ARHGAP15: variants seen among roughly 807,000 people sequenced by gnomAD.
ARHGAP15 encodes the protein rho GTPase-activating protein 15.
Under a neutral mutation model 63.7 loss-of-function variants are expected in ARHGAP15, and 51 were observed. The ratio of observed to expected loss-of-function variants is 0.80; its 90% confidence interval spans 0.64 to 1.01. The LOEUF is 1.01. Ranked by LOEUF, ARHGAP15 falls within the 50% of genes least tolerant of loss-of-function variation. The pLI, the probability that ARHGAP15 is intolerant of heterozygous loss-of-function variation, is 0.00. For synonymous variants in ARHGAP15, 191 were observed against 193.8 expected (o/e 0.99, Z 0.12); for missense variants, 560 against 564.6 (o/e 0.99, Z 0.08).
intron 6 of ARHGAP15, among the ~76,000 whole-genome samples, chr2:143,380,440 C>CTATTG (rs1167827048): frequency 6.6e-6 from 1 of 152,014 alleles, no homozygotes; most frequent in Non-Finnish European, 1.5e-5. Context: ...AGAGATAGTC[C>CTATTG]TGCTTTTGCC....
At chr2:143,314,157 C>G (rs1360500902) in intron 6 of ARHGAP15, among the ~76,000 whole-genome samples, 1 of 152,224 alleles carries the variant, frequency 6.6e-6, no homozygotes. Context: ...AAGTTTGGTT[C>G]CCTCCTACAC....
chr2:143,427,266 A>T (rs1322876628), intron 6 of ARHGAP15, among the ~76,000 whole-genome samples: 1 of 152,150 alleles, frequency 6.6e-6, no homozygotes, highest in Non-Finnish European at 1.5e-5. Flanking sequence ...AACAATACCT[A>T]CTTCTGCTTA....
intron 8 of ARHGAP15, among the ~76,000 whole-genome samples, chr2:143,479,081 A>G (rs757653063): frequency 8.5e-5 from 13 of 152,232 alleles, no homozygotes; most frequent in Non-Finnish European, 1.5e-4. Flanking sequence ...ATACGTACAT[A>G]TGATATACAG....
intron 2 of ARHGAP15, among the ~76,000 whole-genome samples, chr2:143,198,707 C>T (rs954117928): frequency 6.6e-6 from 1 of 151,990 alleles, no homozygotes; most frequent in Non-Finnish European, 1.5e-5. Context: ...GGTCTGTATG[C>T]CCATAAGAAT....
At chr2:143,461,886 C>T (rs902231100) in intron 8 of ARHGAP15, among the ~76,000 whole-genome samples, 9 of 152,070 alleles carry the variant, frequency 5.9e-5, no homozygotes, top group East Asian at 1.9e-4. Context: ...ATAGACTTAT[C>T]GGCCTGCTGC....
intron 10 of ARHGAP15, among the ~76,000 whole-genome samples, chr2:143,541,161 G>C (rs972187924): frequency 3.9e-5 from 6 of 152,052 alleles, no homozygotes; most frequent in Non-Finnish European, 8.8e-5. Flanking sequence ...TCTGCCAGTT[G>C]ATCGCATCGG....
intron 6 of ARHGAP15, among the ~76,000 whole-genome samples, chr2:143,368,190 A>G (rs1282105402): frequency 6.6e-6 from 1 of 152,136 alleles, no homozygotes; most frequent in Non-Finnish European, 1.5e-5. Context: ...AAATGTACCA[A>G]ATAAACTACA....
chr2:143,460,471 A>G (rs781311434), intron 8 of ARHGAP15, among the ~76,000 whole-genome samples: 6 of 152,234 alleles, frequency 3.9e-5, no homozygotes, highest in African/African-American at 4.8e-5. Flanking sequence ...CACTGAAAAC[A>G]TAATTTCTTA....
chr2:143,191,099 G>A (rs1479232448), intron 2 of ARHGAP15, among the ~76,000 whole-genome samples: 1 of 152,154 alleles, frequency 6.6e-6, no homozygotes, highest in Non-Finnish European at 1.5e-5. Context: ...TCTTCTCCAA[G>A]AAACATTTCC....
At chr2:143,630,687 G>A (rs754691152) in intron 12 of ARHGAP15, among the ~76,000 whole-genome samples, 7 of 151,890 alleles carry the variant, frequency 4.6e-5, no homozygotes, top group African/African-American at 9.7e-5. Context: ...CCTAAACCTC[G>A]TTTTCTTGTT....
Position 143,435,588 on chromosome 2 carries a change from T to C in ARHGAP15, c.475-13T>C, listed in dbSNP as rs1689576527. 1 of 1,515,760 alleles carries C rather than the reference T, an allele frequency of 6.6e-7. No individual in the cohort carries two copies. Among genetic ancestry groups the C allele is most frequent in the East Asian group, 2.4e-5 (1 of 41,422 alleles). The allele number at this position is 1,515,760 out of a possible 1,614,324, so 93.9% of individuals were successfully genotyped here. ...TACCTGTCTATTTCTTTTTCTTTTT[T>C]TTTTTTTTGCAGATCACAACAGTAT... On this transcript the variant is annotated splice_polypyrimidine_tract_variant and intron_variant, in intron 6 of 13. Transcript: ENST00000295095.
intron 13 of ARHGAP15, among the ~76,000 whole-genome samples, chr2:143,709,830 T>A (rs767761309): frequency 6.6e-6 from 1 of 152,218 alleles, no homozygotes; most frequent in Non-Finnish European, 1.5e-5. Flanking sequence ...AATGACACTG[T>A]AGGTATTTCT....
chr2:143,508,016 AATCAT>A (rs1302740510), intron 9 of ARHGAP15, among the ~76,000 whole-genome samples: 1 of 137,240 alleles, frequency 7.3e-6, no homozygotes, highest in Non-Finnish European at 1.7e-5. Flanking sequence ...TATAAATGTA[AATCAT>A]ATCATGTCAC....
At chr2:143,604,436 T>C (rs1697905061) in intron 11 of ARHGAP15, among the ~76,000 whole-genome samples, 1 of 152,194 alleles carries the variant, frequency 6.6e-6, no homozygotes, top group Admixed American at 6.5e-5. Flanking sequence ...TCTGTCTGCC[T>C]CAGCTTTACA....
At chr2:143,538,484 T>A (rs570357818) in intron 10 of ARHGAP15, among the ~76,000 whole-genome samples, 3 of 152,334 alleles carry the variant, frequency 2.0e-5, no homozygotes, top group East Asian at 3.9e-4. Context: ...GCTTCCAGTT[T>A]TTGTCCACTC....
At chr2:143,668,275 ATTTTCTTTTTTTTT>A (rs1233991201) in intron 12 of ARHGAP15, among the ~76,000 whole-genome samples, 2 of 140,320 alleles carry the variant, frequency 1.4e-5, no homozygotes, top group Admixed American at 7.1e-5. Flanking sequence ...CCTTGATTCT[ATTTTCTTTTTTTTT>A]TTTTCTTTTT....
intron 2 of ARHGAP15, among the ~76,000 whole-genome samples, chr2:143,179,922 G>T (rs925196600): frequency 6.6e-6 from 1 of 151,070 alleles, no homozygotes; most frequent in Non-Finnish European, 1.5e-5. Context: ...TTAATTTAAA[G>T]AAATATTATT....
intron 2 of ARHGAP15, among the ~76,000 whole-genome samples, chr2:143,166,626 C>T (rs527673826): frequency 8.5e-4 from 129 of 152,178 alleles, no homozygotes; most frequent in Middle Eastern, 3.4e-3. Context: ...GTGTCAAGTA[C>T]GTTGCATTTT....
At chr2:143,147,738 C>A (rs576324298) in intron 1 of ARHGAP15, among the ~76,000 whole-genome samples, 1 of 151,976 alleles carries the variant, frequency 6.6e-6, no homozygotes, top group Admixed American at 6.6e-5. Context: ...TGACCAGAAG[C>A]ATTGAACATG....
Sources: gnomAD v4.1 joint callset for allele counts (sites outside exome capture counted in the v4.1 genomes callset) on GRCh38, gnomAD v4.1.1 for gene constraint, MANE v1.5 for transcripts, NCBI Gene and HGNC (gene_info 2026-07-23, HGNC 2026-07-21) for gene names.